Variants in KIAA0825 observed in about 807,000 individuals in gnomAD.
KIAA0825 encodes the protein KIAA0825.
A neutral mutation model predicts 147.6 loss-of-function variants in KIAA0825; 119 were observed. The ratio of observed to expected loss-of-function variants is 0.81; its 90% CI spans 0.69 to 0.94. The LOEUF (loss-of-function observed/expected upper bound fraction) is 0.94, where lower values mean the gene tolerates loss of function less well. Ranked by LOEUF, KIAA0825 falls within the 40% of genes least tolerant of loss-of-function variation. The pLI is 0.00. For missense variants in KIAA0825, 1,381 were observed against 1,472.7 expected, an observed-to-expected ratio of 0.94 and a Z score of 1.02; for synonymous variants, 470 against 518.1, an observed-to-expected ratio of 0.91 and a Z score of 1.26.
intron 2 of KIAA0825, among the ~76,000 whole-genome samples, chr5:94,559,153 C>T (rs569150363): frequency 2.6e-4 from 39 of 152,236 alleles, no homozygotes; most frequent in African/African-American, 9.4e-4. Flanking sequence ...CTTTTTCTTC[C>T]CTACACGTGT....
chr5:94,538,830 T>C (rs1054395906), intron 2 of KIAA0825, among the ~76,000 whole-genome samples: 6 of 152,188 alleles, frequency 3.9e-5, no homozygotes, highest in Admixed American at 1.3e-4. Context: ...TCAGTGGGTA[T>C]CTCCTTAGGA....
intron 20 of KIAA0825, among the ~76,000 whole-genome samples, chr5:94,160,169 C>T (rs899666334): frequency 1.3e-5 from 2 of 152,110 alleles, no homozygotes; most frequent in Admixed American, 6.6e-5. Context: ...TTCTCAGGGT[C>T]AGTCCTAGAC....
At chr5:94,565,304 A>G (rs1369322468) in intron 2 of KIAA0825, among the ~76,000 whole-genome samples, 2 of 149,126 alleles carry the variant, frequency 1.3e-5, no homozygotes, top group African/African-American at 2.5e-5. Flanking sequence ...TTTCTAAAAC[A>G]TAGGGAAAAA....
At chr5:94,156,724 T>C (rs1204761872) in intron 20 of KIAA0825, among the ~76,000 whole-genome samples, 1 of 152,270 alleles carries the variant, frequency 6.6e-6, no homozygotes, top group East Asian at 1.9e-4. Context: ...CACAACTTTA[T>C]TATATTTGCT....
intron 2 of KIAA0825, among the ~76,000 whole-genome samples, chr5:94,544,728 C>A (rs1252832077): frequency 3.9e-5 from 6 of 152,012 alleles, no homozygotes; most frequent in Admixed American, 1.3e-4. Context: ...CATACTAAGG[C>A]AAATATGCAA....
chr5:94,330,547 G>A (rs1009552592), intron 20 of KIAA0825, among the ~76,000 whole-genome samples: 12 of 152,062 alleles, frequency 7.9e-5, no homozygotes, highest in African/African-American at 2.7e-4. Flanking sequence ...ATCAAAATTT[G>A]TGAGATGCCA....
intron 2 of KIAA0825, among the ~76,000 whole-genome samples, chr5:94,576,292 C>A (rs186422998): frequency 6.6e-6 from 1 of 152,172 alleles, no homozygotes; most frequent in Admixed American, 6.5e-5. Context: ...TCCCCTCCAA[C>A]ACTGATGTTG....
At chr5:94,462,913 G>C (rs1293601408) in intron 11 of KIAA0825, among the ~76,000 whole-genome samples, 1 of 151,700 alleles carries the variant, frequency 6.6e-6, no homozygotes, top group Admixed American at 6.6e-5. Flanking sequence ...AACTAGATGA[G>C]AAGAAAAATT....
rs1469907722 is a variant in KIAA0825, at chr5:94,152,838, AAAAAAAAAAAAAAAAAATTATAT to A, written c.*1146_*1168del. 3.2e-5 allele frequency: 1 copy of A among 31,636 alleles called. No individual in the cohort carries two copies. The highest frequency in any genetic ancestry group is 1.1e-4 in the African/African-American group (1 of 8,794). The allele number at this position is 31,636 out of a possible 1,614,324, so 2.0% of individuals were successfully genotyped here. ...TCTAAAATGAAAAAAAAAAAAAAAA[AAAAAAAAAAAAAAAAAATTATAT>A]ATATATATATATATATATATATATA... On this transcript the variant is annotated 3_prime_UTR_variant, in exon 21 of 21. Transcript: ENST00000682413.
chr5:94,445,107 C>T (rs1284571316), intron 13 of KIAA0825, among the ~76,000 whole-genome samples: 1 of 152,134 alleles, frequency 6.6e-6, no homozygotes, highest in Non-Finnish European at 1.5e-5. Flanking sequence ...CAGAAGTTAA[C>T]TCCTTGGTGC....
chr5:94,557,861 TTTG>T (rs1481014523), intron 2 of KIAA0825, among the ~76,000 whole-genome samples: 4 of 152,180 alleles, frequency 2.6e-5, no homozygotes, highest in Non-Finnish European at 4.4e-5. Context: ...CTGGTCCCTG[TTTG>T]TTATGGCTCG....
intron 2 of KIAA0825, among the ~76,000 whole-genome samples, chr5:94,575,911 T>C (rs922520061): frequency 6.6e-6 from 1 of 152,180 alleles, no homozygotes; most frequent in African/African-American, 2.4e-5. Flanking sequence ...GATAAATTAT[T>C]ACAAAGAAAA....
chr5:94,525,498 A>G (rs1256975950), intron 3 of KIAA0825, among the ~76,000 whole-genome samples: 5 of 151,886 alleles, frequency 3.3e-5, no homozygotes, highest in Non-Finnish European at 7.4e-5. Context: ...AGGCCACTCA[A>G]TTTCCTGATG....
intron 20 of KIAA0825, among the ~76,000 whole-genome samples, chr5:94,346,039 C>T (rs964553391): frequency 2.0e-5 from 3 of 152,112 alleles, no homozygotes; most frequent in Admixed American, 6.5e-5. Flanking sequence ...AGTCAGGGGT[C>T]GATCTTTAAA....
chr5:94,237,706 C>T (rs1033941169), intron 20 of KIAA0825, among the ~76,000 whole-genome samples: 4 of 152,184 alleles, frequency 2.6e-5, no homozygotes, highest in Non-Finnish European at 5.9e-5. Flanking sequence ...CTTCACAGCA[C>T]TCAGTGAAAT....
chr5:94,444,356 G>T (rs879328481), intron 13 of KIAA0825, among the ~76,000 whole-genome samples: 8 of 152,156 alleles, frequency 5.3e-5, no homozygotes, highest in Non-Finnish European at 8.8e-5. Flanking sequence ...GCTGGTGAGG[G>T]TGATTAACCC....
chr5:94,231,080 T>A (rs1186450801), intron 20 of KIAA0825, among the ~76,000 whole-genome samples: 1 of 152,134 alleles, frequency 6.6e-6, no homozygotes, highest in Admixed American at 6.6e-5. Context: ...AATAGAAAGT[T>A]TTCCCATGAA....
At chr5:94,364,499 A>G (rs1270581245) in intron 20 of KIAA0825, among the ~76,000 whole-genome samples, 9 of 151,730 alleles carry the variant, frequency 5.9e-5, no homozygotes, top group Non-Finnish European at 1.3e-4. Context: ...CTCCTGCCTC[A>G]GCCTCCCGAG....
intron 20 of KIAA0825, among the ~76,000 whole-genome samples, chr5:94,179,670 C>T (rs2149972970): frequency 6.6e-6 from 1 of 151,974 alleles, no homozygotes; most frequent in East Asian, 1.9e-4. Flanking sequence ...AGGGATAATA[C>T]AATATGAGCC....
Sources: allele counts gnomAD v4.1 joint callset (sites outside exome capture counted in the v4.1 genomes callset), GRCh38; gene constraint gnomAD v4.1.1; transcripts MANE v1.5; gene names NCBI Gene and HGNC (gene_info 2026-07-23, HGNC 2026-07-21).